BRWD3: variants seen among roughly 807,000 people sequenced by gnomAD.
BRWD3 encodes the protein bromodomain and WD repeat-containing protein 3.
In BRWD3, 10 loss-of-function variants were observed where a neutral mutation model predicts 149.7. That is an observed-to-expected ratio of 0.07 (90% CI 0.04 to 0.11). The LOEUF is 0.11. Among genes scored for constraint, BRWD3 ranks in the 10% least tolerant of loss-of-function variants. The pLI, the probability that BRWD3 is intolerant of heterozygous loss-of-function variation, is 1.00. For synonymous variants in BRWD3, 504 were observed against 456.7 expected, an observed-to-expected ratio of 1.10 and a Z score of -1.32; for missense variants, 940 against 1,373.2, an observed-to-expected ratio of 0.68 and a Z score of 4.99.
At chrX:80,681,875 G>T in intron 39 of BRWD3, 122 bp downstream of exon 39, 1 of 645,208 alleles carries the variant, frequency 1.5e-6, no homozygotes, top group Non-Finnish European at 2.5e-6. Flanking sequence ...TGGGAATAAA[G>T]CACAACTTTT....
intron 6 of BRWD3, 140 bp from the exon 7 acceptor site, chrX:80,745,869 A>G (rs2073585615): frequency 1.8e-6 from 1 of 543,317 alleles, no homozygotes; most frequent in Non-Finnish European, 3.1e-6. Flanking sequence ...ATTCCCTTAC[A>G]TAGTTCATGA....
At chrX:80,749,875 T>C (rs763568028) in intron 6 of BRWD3, among the ~76,000 whole-genome samples, 1 of 111,814 alleles carries the variant, frequency 8.9e-6, no homozygotes, top group Non-Finnish European at 1.9e-5. Flanking sequence ...AACAGCATGA[T>C]ACTGACGTAG....
chrX:80,702,639 T>C (rs2072807123), intron 24 of BRWD3, among the ~76,000 whole-genome samples: 1 of 111,869 alleles, frequency 8.9e-6, no homozygotes, highest in South Asian at 3.7e-4. Flanking sequence ...TCTTAAAATA[T>C]CTAAAGATAA....
At chrX:80,802,960 C>A (rs1467319088) in intron 4 of BRWD3, among the ~76,000 whole-genome samples, 3 of 109,881 alleles carry the variant, frequency 2.7e-5, no homozygotes, top group South Asian at 7.8e-4. Context: ...AAAAAATTAG[C>A]CGGGCGTAGC....
At chrX:80,775,795 T>C (rs1213987723) in intron 6 of BRWD3, among the ~76,000 whole-genome samples, 1 of 112,060 alleles carries the variant, frequency 8.9e-6, no homozygotes, top group African/African-American at 3.2e-5. Flanking sequence ...ACTATTATCA[T>C]TACCAATATT....
intron 39 of BRWD3, among the ~76,000 whole-genome samples, 164 bp from the exon 40 acceptor site, chrX:80,681,663 T>A (rs1443122256): frequency 1.3e-4 from 15 of 112,144 alleles, no homozygotes; most frequent in African/African-American, 4.2e-4. Context: ...GGGTTGAATG[T>A]CAGAAAAACT....
At chrX:80,700,151 G>C in intron 24 of BRWD3, 87 bp from the exon 25 acceptor site, 1 of 657,235 alleles carries the variant, frequency 1.5e-6, no homozygotes, top group Non-Finnish European at 2.4e-6. Context: ...ATCCTCTTCT[G>C]TTTGCAGAAA....
At chrX:80,786,979 A>G (rs909780614) in intron 6 of BRWD3, among the ~76,000 whole-genome samples, 15 of 111,827 alleles carry the variant, frequency 1.3e-4, no homozygotes, top group African/African-American at 4.2e-4. Flanking sequence ...ATCTCAAGGG[A>G]AAAAAGTCAT....
chrX:80,755,012 TA>T (rs989131166), intron 6 of BRWD3, among the ~76,000 whole-genome samples: 4 of 105,653 alleles, frequency 3.8e-5, no homozygotes, highest in Non-Finnish European at 3.9e-5. Context: ...CGTCTCAAAT[TA>T]AAAAAAAAAG....
intron 6 of BRWD3, among the ~76,000 whole-genome samples, chrX:80,784,142 A>G (rs1172707213): frequency 1.8e-5 from 2 of 111,512 alleles, no homozygotes; most frequent in African/African-American, 6.5e-5. Flanking sequence ...ATTTACCTTC[A>G]GGTGATTATT....
At chrX:80,803,465 T>C (rs1309267777) in intron 4 of BRWD3, among the ~76,000 whole-genome samples, 1 of 111,518 alleles carries the variant, frequency 9.0e-6, no homozygotes, top group Admixed American at 9.6e-5. Context: ...TGAAAGTACG[T>C]TCCTTAGAGC....
intron 40 of BRWD3, among the ~76,000 whole-genome samples, chrX:80,680,833 G>C (rs916044039): frequency 5.5e-5 from 6 of 110,055 alleles, no homozygotes; most frequent in African/African-American, 2.0e-4. Flanking sequence ...TTTTGAGACA[G>C]AGTCTCACTC....
At chrX:80,735,234 T>G (rs752978608) in intron 9 of BRWD3, 37 bp from the exon 10 acceptor site, 1 of 1,095,754 alleles carries the variant, frequency 9.1e-7, no homozygotes, top group South Asian at 1.8e-5. Context: ...TGTTTCATCA[T>G]GTTTGGCTAA....
Position 80,684,135 on chromosome X carries a change from C to A in BRWD3, c.4108G>T (p.Val1370Leu). ...GTTTCTTTCACAGTGCTGAAGTCCACAGGAGTATCTATAACATCTTGATAA... is the reference window on the plus strand; with the variant it reads ...GTTTCTTTCACAGTGCTGAAGTCCAAAGGAGTATCTATAACATCTTGATAA... ...EDYQDVIDTP[V>L]DFSTVKETLE... The change falls in exon 37 of 41, where the codon GTG (valine) becomes TTG (leucine). Residue 1370 changes from valine to leucine, a missense_variant. By Grantham distance (32) the Val-to-Leu change is conservative. This residue lies in a region of BRWD3 where 349 missense variants were observed against 419.6 expected (regional missense o/e 0.83). Coordinates refer to ENST00000373275, the MANE Select transcript of BRWD3 (RefSeq NM_153252.5). 1 of 1,203,921 alleles carries A rather than the reference C, an allele frequency of 8.3e-7. No homozygotes were observed.
intron 40 of BRWD3, among the ~76,000 whole-genome samples, chrX:80,680,434 T>C (rs2072428475): frequency 8.9e-6 from 1 of 112,121 alleles, no homozygotes; most frequent in African/African-American, 3.2e-5. Flanking sequence ...AACAGAACTG[T>C]CTGGTTAAAT....
intron 3 of BRWD3, 37 bp downstream of exon 3, chrX:80,808,976 C>G (rs1281293053): frequency 1.7e-6 from 2 of 1,190,463 alleles, no homozygotes; most frequent in South Asian, 3.7e-5. Flanking sequence ...CCAGTCTCAC[C>G]TCAACCCTCC....
chrX:80,689,946 G>A (rs762459122), intron 32 of BRWD3, 21 bp downstream of exon 32: 1 of 1,205,444 alleles, frequency 8.3e-7, no homozygotes, highest in Non-Finnish European at 1.1e-6. Flanking sequence ...AGACTCTCTG[G>A]AAGCTAAAAC....
intron 25 of BRWD3, 83 bp downstream of exon 25, chrX:80,699,874 A>ATC: frequency 4.4e-6 from 3 of 683,596 alleles, no homozygotes; most frequent in Non-Finnish European, 6.9e-6. Flanking sequence ...AATATGCATA[A>ATC]AACTGAGGGG....
rs1461917855 is a variant in BRWD3, at chrX:80,742,684, T to C, written c.813+1348A>G. On this transcript the variant is annotated intron_variant, in intron 8 of 40. Coordinates refer to ENST00000373275, the MANE Select transcript of BRWD3 (RefSeq NM_153252.5). ...ATTGTGAATGGGAGTTTACTCATGA[T>C]TTGGCTCTCTGTTTGTCTGTTATTG... Among the ~76,000 whole-genome samples, 3 of 110,431 alleles carry C rather than the reference T, an allele frequency of 2.7e-5. No homozygotes were observed. In the East Asian group the frequency reaches 8.5e-4, roughly 31 times the overall value.
Sources: gnomAD v4.1 joint callset for allele counts (sites outside exome capture counted in the v4.1 genomes callset) on GRCh38, gnomAD v4.1.1 for gene constraint, gnomAD v4.1.1 regional missense constraint, MANE v1.5 for transcripts, NCBI Gene and HGNC (gene_info 2026-07-23, HGNC 2026-07-21) for gene names.